POU2F1: variants seen among roughly 807,000 people sequenced by gnomAD.
POU2F1 encodes the protein POU domain, class 2, transcription factor 1.
A neutral mutation model predicts 84.9 loss-of-function variants in POU2F1; 16 were observed. The ratio of observed to expected loss-of-function variants is 0.19; its 90% CI spans 0.13 to 0.29. The LOEUF is 0.29. POU2F1 is among the 10% of genes least tolerant of loss of function. POU2F1 has a pLI of 1.00. For missense variants in POU2F1, 738 were observed against 942.6 expected (o/e 0.78, Z 2.84); for synonymous variants, 368 against 368.3 (o/e 1.00, Z 0.01).
At chr1:167,229,255 G>T (rs1237074520) in intron 1 of POU2F1, among the ~76,000 whole-genome samples, 3 of 151,944 alleles carry the variant, frequency 2.0e-5, no homozygotes, top group Admixed American at 6.6e-5. Flanking sequence ...GATTATCAAG[G>T]TTTTGAGTTT....
intron 8 of POU2F1, 135 bp from the exon 9 acceptor site, chr1:167,389,453 G>C (rs966075577): frequency 8.9e-5 from 75 of 843,652 alleles, no homozygotes; most frequent in Middle Eastern, 2.3e-4. Flanking sequence ...TGAACATTAT[G>C]TTGTACATTC....
rs142902719 is a variant in POU2F1, at chr1:167,365,528, A to T, written c.189A>T (p.Ser63=). Residue 63 remains serine (S), a synonymous_variant, in exon 3 of 16, where the codon TCA becomes TCT. Coordinates refer to ENST00000367866, the MANE Select transcript of POU2F1 (RefSeq NM_002697.4). ...KQPVPVGGAI[S]TAQAQAFLGH... is the part of the protein sequence containing the mutation. The stretch of plus-strand genomic sequence containing the variant: ...CTGTGCCTGTAGGAGGAGCAATCTC[A>T]ACAGCCCAGGCGCAGGCTTTCCTTG... 7 of 1,603,006 alleles carry T rather than the reference A, an allele frequency of 4.4e-6. No individual in the cohort carries two copies. In the African/African-American group the frequency reaches 9.4e-5, roughly 22 times the overall value.
chr1:167,290,258 G>T (rs1653828518), intron 1 of POU2F1, among the ~76,000 whole-genome samples: 1 of 152,092 alleles, frequency 6.6e-6, no homozygotes, highest in Non-Finnish European at 1.5e-5. Context: ...CAGTGTGGTG[G>T]TGGTGGTGTG....
intron 7 of POU2F1, chr1:167,380,237 T>C (rs1647420076): frequency 6.6e-6 from 1 of 152,190 alleles, no homozygotes; most frequent in South Asian, 2.1e-4. Context: ...TCCTCAACTG[T>C]GATATTAGGA....
At chr1:167,380,734 T>A (rs1647476373) in intron 7 of POU2F1, 1 of 152,240 alleles carries the variant, frequency 6.6e-6, no homozygotes, top group South Asian at 2.1e-4. Flanking sequence ...CAATATTGAT[T>A]TCTGGAATTC....
intron 1 of POU2F1, among the ~76,000 whole-genome samples, chr1:167,272,216 ATTC>A (rs1017863104): frequency 1.3e-5 from 2 of 151,870 alleles, no homozygotes; most frequent in East Asian, 1.9e-4. Context: ...CATTTTCTGT[ATTC>A]TTATATTTGC....
In POU2F1 at chr1:167,424,631, A is replaced by G. The variant is rs1557983405; in HGVS notation, c.*8821A>G. ...ATGTTAAACTCTGGCCTATAGCATC[A>G]TGGGACCTGTAGCCTAGGGTGGGAC... On this transcript the variant is annotated 3_prime_UTR_variant, in exon 16 of 16. Transcript: ENST00000367866. The G allele has an allele frequency of 6.6e-6, 1 of 152,242 alleles. No individual in the cohort carries two copies. Among genetic ancestry groups the G allele is most frequent in the Non-Finnish European group, 1.5e-5 (1 of 68,050 alleles). 9.4% of individuals were successfully genotyped at this position (152,242 alleles called of 1,614,324 possible). A position where few individuals can be genotyped will look rare whatever the true frequency, so the allele number is the denominator to read the frequency against.
At position 167,236,516 on chromosome 1, in the gene POU2F1, C is replaced by T. The variant is rs567377828; in HGVS notation, c.61+15558C>T. Among the ~76,000 whole-genome samples, 207 of 152,096 alleles carry T rather than the reference C, an allele frequency of 1.4e-3. 1 individual carries two copies. The highest frequency in any genetic ancestry group is 4.0e-3 in the African/African-American group (168 of 41,484). ...AATGATTTATTTTTCCTGTTTTGGC[C>T]GTTTCAGAATACTTGTAGTTTTCCT... On this transcript the variant is annotated intron_variant, in intron 1 of 15. Transcript: ENST00000367866.
chr1:167,278,495 GT>G (rs1652894026), intron 1 of POU2F1, among the ~76,000 whole-genome samples: 1 of 152,084 alleles, frequency 6.6e-6, no homozygotes, highest in African/African-American at 2.4e-5. Flanking sequence ...TTTGTCATTT[GT>G]CCATAAATTT....
At chr1:167,340,500 C>T (rs1439072745) in intron 2 of POU2F1, among the ~76,000 whole-genome samples, 5 of 136,946 alleles carry the variant, frequency 3.7e-5, no homozygotes, top group Admixed American at 7.4e-5. Context: ...GGCACGATCT[C>T]GGCTCACTGC....
At chr1:167,357,584 G>A (rs7524664) in intron 2 of POU2F1, 60,389 of 151,348 alleles carry the variant, frequency 0.4, 14,779 homozygotes, top group East Asian at 0.71. Flanking sequence ...TCATCATGTT[G>A]CCCAGGCTCA....
rs1398635221 is a variant in POU2F1 at position 167,418,667 on chromosome 1, T to TC, written c.*2861dup. 8 of 152,250 alleles carry TC rather than the reference T, an allele frequency of 5.3e-5. No individual in the cohort carries two copies. In the East Asian group the frequency reaches 1.5e-3, roughly 29 times the overall value. The allele number at this position is 152,250 out of a possible 1,614,324, so 9.4% of individuals were successfully genotyped here. On this transcript the variant is annotated 3_prime_UTR_variant, in exon 16 of 16. Transcript: ENST00000367866. ...AAAGGCTGTTTGGGTGGTTTTTTTT[T>TC]CCCCACATATGGTTTAGAAAATGAT...
intron 9 of POU2F1, among the ~76,000 whole-genome samples, chr1:167,394,298 G>A (rs1648647667): frequency 6.6e-6 from 1 of 152,140 alleles, no homozygotes; most frequent in Non-Finnish European, 1.5e-5. Flanking sequence ...TGGGATTACA[G>A]TTGTGAGCCA....
chr1:167,262,046 C>T (rs1251423893), intron 1 of POU2F1, among the ~76,000 whole-genome samples: 1 of 152,144 alleles, frequency 6.6e-6, no homozygotes, highest in Non-Finnish European at 1.5e-5. Context: ...GTTTCGTGTA[C>T]CTAAGAATAG....
intron 1 of POU2F1, among the ~76,000 whole-genome samples, chr1:167,229,998 A>G (rs1648939328): frequency 6.6e-6 from 1 of 152,156 alleles, no homozygotes; most frequent in Admixed American, 6.5e-5. Context: ...AAGTTCCCTT[A>G]TTGTCCATTT....
At chr1:167,334,318 G>A (rs1657283665) in intron 2 of POU2F1, among the ~76,000 whole-genome samples, 1 of 151,892 alleles carries the variant, frequency 6.6e-6, no homozygotes, top group African/African-American at 2.4e-5. Context: ...CAGCCACCAT[G>A]CCCAGCTAAT....
chr1:167,308,717 C>G (rs1309080710), intron 1 of POU2F1, among the ~76,000 whole-genome samples: 1 of 151,806 alleles, frequency 6.6e-6, no homozygotes, highest in Non-Finnish European at 1.5e-5. Flanking sequence ...CAGGATCTCA[C>G]TATGTTGTTC....
At chr1:167,374,042 A>C in intron 5 of POU2F1, 66 bp from the exon 6 acceptor site, 1 of 1,484,774 alleles carries the variant, frequency 6.7e-7, no homozygotes, top group Non-Finnish European at 9.4e-7. Flanking sequence ...ATTTTAAAGC[A>C]GTTGGCTTGC....
At position 167,383,869 on chromosome 1, in the gene POU2F1, C is replaced by G. The variant is rs772726623; in HGVS notation, c.731C>G (p.Ala244Gly). The G allele has an allele frequency of 6.0e-5, 96 of 1,613,370 alleles. No homozygotes were observed. The highest frequency in any genetic ancestry group is 3.3e-4 in the Middle Eastern group (2 of 6,080). The change falls in exon 8 of 16, where the codon GCG becomes GGG. Residue 244 changes from alanine to glycine, a missense_variant. Ala to Gly is a moderately conservative substitution (Grantham distance 60, BLOSUM62 0). Transcript: ENST00000367866. ...TPQGQQGLLQ[A>G]QNLLTQLPQQ... ...TTTTCTTCTACAGGTCTCCTGCAAGCGCAAAATCTTCTAACGCAACTACCT... is the reference window on the plus strand; with the variant it reads ...TTTTCTTCTACAGGTCTCCTGCAAGGGCAAAATCTTCTAACGCAACTACCT...
Sources: gnomAD v4.1 joint callset for allele counts (sites outside exome capture counted in the v4.1 genomes callset) on GRCh38, gnomAD v4.1.1 for gene constraint, MANE v1.5 for transcripts, NCBI Gene and HGNC (gene_info 2026-07-23, HGNC 2026-07-21) for gene names.